NRROS: variants seen among roughly 807,000 people sequenced by gnomAD.
The protein encoded by NRROS is negative regulator of reactive oxygen species, also known as transforming growth factor beta activator LRRC33.
Under a neutral mutation model 12.0 loss-of-function variants are expected in NRROS, and 6 were observed. The ratio of observed to expected loss-of-function variants is 0.50; its 90% CI spans 0.27 to 0.98. The LOEUF is 0.98. NRROS is among the 50% of genes least tolerant of loss of function. The probability of loss-of-function intolerance (pLI) is 0.11; values close to 1 mark genes in which losing one functional copy is unlikely to be tolerated. For synonymous variants in NRROS, 462 were observed against 410.2 expected (o/e 1.13, Z -1.53); for missense variants, 857 against 888.2 (o/e 0.96, Z 0.45).
Position 196,661,408 on chromosome 3 carries a change from A to G in NRROS, c.1765A>G (p.Ile589Val). 6.4e-7 allele frequency: 1 copy of G among 1,574,466 alleles called. No individual in the cohort carries two copies. Among genetic ancestry groups the G allele is most frequent in the Non-Finnish European group, 8.6e-7 (1 of 1,157,392 alleles). Residue 589 changes from isoleucine to valine, a missense_variant, in exon 3 of 3, where the codon ATC becomes GTC. Physicochemically the swap from Ile to Val is conservative, Grantham distance 29. Transcript: ENST00000328557. Reference protein sequence around the residue: ...SEQLSRGLRTIYLSQNPYDCC... With the variant: ...SEQLSRGLRTVYLSQNPYDCC... ...GCAGCTCTCGAGAGGTCTGCGGACC[A>G]TCTACCTCAGTCAGAATCCATATGA...
intron 1 of NRROS, among the ~76,000 whole-genome samples, chr3:196,646,221 G>C (rs907514704): frequency 6.6e-6 from 1 of 152,168 alleles, no homozygotes; most frequent in Non-Finnish European, 1.5e-5. Context: ...CCCAGCCCAG[G>C]GTCCCTTCCT....
rs745595524 is a variant in NRROS at position 196,660,720 on chromosome 3, C to G, written c.1077C>G (p.Leu359=). Residue 359 remains leucine (L), a synonymous_variant, in exon 3 of 3, where the codon CTC becomes CTG. Transcript: ENST00000328557. The surrounding 1 kb of genome is among the most constrained non-coding windows in gnomAD (Gnocchi z 7.7). ...TGCCTTCCCTCTCCCACCTGAACCT[C>G]CACCAGAATTGCCTGATGACGCTTC... ...RKMPSLSHLN[L]HQNCLMTLHI... is the part of the protein sequence containing the mutation. 6.2e-7 allele frequency: 1 copy of G among 1,614,212 alleles called. No homozygotes were observed.
chr3:196,642,625 C>T (rs1158711176), intron 1 of NRROS, among the ~76,000 whole-genome samples: 1 of 152,150 alleles, frequency 6.6e-6, no homozygotes, highest in Non-Finnish European at 1.5e-5. Context: ...GGAGTGCTCT[C>T]ACGGGCCCAG....
intron 1 of NRROS, among the ~76,000 whole-genome samples, chr3:196,646,411 C>T (rs908631170): frequency 2.0e-5 from 3 of 152,192 alleles, no homozygotes; most frequent in African/African-American, 4.8e-5. Flanking sequence ...AAGGTGACAC[C>T]GAGGACCTAC....
intron 1 of NRROS, among the ~76,000 whole-genome samples, chr3:196,640,083 C>G (rs1022412078): frequency 1.3e-5 from 2 of 152,230 alleles, no homozygotes; most frequent in Non-Finnish European, 2.9e-5. Flanking sequence ...GTGGAAATAC[C>G]TCCCTCCAGG....
chr3:196,660,731 G>C lies in NRROS; in HGVS notation c.1088G>C (p.Cys363Ser). The change falls in exon 3 of 3, where the codon TGC becomes TCC. Residue 363 changes from cysteine to serine, a missense_variant. Coordinates refer to ENST00000328557, the MANE Select transcript of NRROS (RefSeq NM_198565.3). This position sits in a 1 kb window ranked among gnomAD's most constrained non-coding sequence, Gnocchi z 7.7. The part of the protein sequence containing the change: ...SLSHLNLHQN[C>S]LMTLHIREHE... Reference sequence around the variant, plus strand: ...TCCCACCTGAACCTCCACCAGAATTGCCTGATGACGCTTCACATTCGGGAG... The same window carrying C: ...TCCCACCTGAACCTCCACCAGAATTCCCTGATGACGCTTCACATTCGGGAG... 6.2e-7 allele frequency: 1 copy of C among 1,614,096 alleles called. No individual in the cohort carries two copies. The highest frequency in any genetic ancestry group is 1.1e-5 in the South Asian group (1 of 91,088).
chr3:196,658,497 G>C (rs995620422), intron 2 of NRROS, among the ~76,000 whole-genome samples: 1 of 152,170 alleles, frequency 6.6e-6, no homozygotes, highest in Non-Finnish European at 1.5e-5. Context: ...GATTCAGATT[G>C]AGTCTGTCCT....
intron 1 of NRROS, among the ~76,000 whole-genome samples, chr3:196,647,334 G>C (rs752683385): frequency 3.9e-5 from 6 of 152,116 alleles, no homozygotes; most frequent in Non-Finnish European, 5.9e-5. Context: ...AGTTCTTAGG[G>C]GGGGAGAAGT....
chr3:196,661,365 C>A lies in NRROS; in HGVS notation c.1722C>A (p.Pro574=). 1.3e-6 allele frequency: 2 copies of A among 1,575,164 alleles called. No individual in the cohort carries two copies. The highest frequency in any genetic ancestry group is 1.7e-6 in the Non-Finnish European group (2 of 1,159,010). ...DLRRNSLTAL[P]QKAVSEQLSR... Reference sequence around the variant, plus strand: ...GTAGAAACTCGCTCACAGCCCTTCCCCAGAAGGCTGTGTCTGAGCAGCTCT... The same window carrying A: ...GTAGAAACTCGCTCACAGCCCTTCCACAGAAGGCTGTGTCTGAGCAGCTCT... The change falls in exon 3 of 3, where the codon CCC becomes CCA. Residue 574 remains proline, a synonymous_variant. Coordinates refer to ENST00000328557, the MANE Select transcript of NRROS (RefSeq NM_198565.3).
chr3:196,641,144 AC>A (rs1389237836), intron 1 of NRROS, among the ~76,000 whole-genome samples: 1 of 31,056 alleles, frequency 3.2e-5, no homozygotes. Context: ...GGTTAAAAAA[AC>A]AAAACAAAAC....
Position 196,660,275 on chromosome 3 carries a change from A to T in NRROS, c.632A>T (p.Asn211Ile), listed in dbSNP as rs771291661. 6 of 1,613,924 alleles carry T rather than the reference A, an allele frequency of 3.7e-6. No homozygotes were observed. In the East Asian group the frequency reaches 8.9e-5, roughly 24 times the overall value. ...GGCCTGGCTGAGCTGAGGCACCTCA[A>T]CCTGGCCTTCAACAACCTCCCCTGC... is the stretch of plus-strand genomic sequence containing the variant. ...FDGLAELRHLNLAFNNLPCIV... is the reference protein window; with the variant it reads ...FDGLAELRHLILAFNNLPCIV... The change falls in exon 3 of 3, where the codon AAC becomes ATC. Residue 211 changes from asparagine to isoleucine, a missense_variant. Transcript: ENST00000328557. This position sits in a 1 kb window ranked among gnomAD's most constrained non-coding sequence, Gnocchi z 7.7.
At chr3:196,652,349 G>A (rs1418945288) in intron 1 of NRROS, among the ~76,000 whole-genome samples, 1 of 152,080 alleles carries the variant, frequency 6.6e-6, no homozygotes, top group African/African-American at 2.4e-5. Context: ...TGTGTTACTT[G>A]CTACCTTTAC....
intron 1 of NRROS, among the ~76,000 whole-genome samples, chr3:196,648,697 C>T (rs1291851886): frequency 7.6e-6 from 1 of 131,220 alleles, no homozygotes; most frequent in African/African-American, 2.9e-5. Context: ...ACCCGGGAGG[C>T]GGAGGTTGCA....
intron 1 of NRROS, among the ~76,000 whole-genome samples, chr3:196,648,792 T>G (rs1016230395): frequency 2.5e-4 from 27 of 105,894 alleles, no homozygotes; most frequent in Non-Finnish European, 4.9e-4. Context: ...AAAAAAAAAT[T>G]CCAACATCCA....
rs1560054251 is a variant in NRROS at position 196,654,014 on chromosome 3, CT to C, written c.-13-509del. 1.3e-5 allele frequency among the ~76,000 whole-genome samples: 2 copies of C among 152,184 alleles called. No homozygotes were observed. The highest frequency in any genetic ancestry group is 2.9e-5 in the Non-Finnish European group (2 of 68,032). ...AATGAGTGAACCAAAGAGATCAACG[CT>C]TTTGTAACAGCCCCACATCAGCAGC... On this transcript the variant is annotated intron_variant, in intron 1 of 2. Coordinates refer to ENST00000328557, the MANE Select transcript of NRROS (RefSeq NM_198565.3). This position sits in a 1 kb window ranked among gnomAD's most constrained non-coding sequence, Gnocchi z 4.4.
rs764060905 is a variant in NRROS at position 196,659,723 on chromosome 3, G to C, written c.109-29G>C. 26 of 1,580,840 alleles carry C rather than the reference G, an allele frequency of 1.6e-5. No individual in the cohort carries two copies. In the Admixed American group the frequency reaches 3.4e-4, roughly 21 times the overall value. On this transcript the variant is annotated intron_variant, in intron 2 of 2. Coordinates refer to ENST00000328557, the MANE Select transcript of NRROS (RefSeq NM_198565.3). ...TAAATGCTTGCCTCTGGGCCTCCTC[G>C]CTGCTGACCGGTGTGGTTTTGGCCG...
At chr3:196,644,685 A>C (rs1737272891) in intron 1 of NRROS, among the ~76,000 whole-genome samples, 1 of 150,522 alleles carries the variant, frequency 6.6e-6, no homozygotes, top group Non-Finnish European at 1.5e-5. Context: ...AGGCAGGAGA[A>C]TCTCTTGAAC....
rs775812701 is a variant in NRROS, at chr3:196,661,241, C to T, written c.1598C>T (p.Ser533Phe). 5.0e-6 allele frequency: 8 copies of T among 1,613,882 alleles called. No homozygotes were observed. The highest frequency in any genetic ancestry group is 6.8e-6 in the Non-Finnish European group (8 of 1,179,990). The change falls in exon 3 of 3, where the codon TCT becomes TTT. Residue 533 changes from serine to phenylalanine, a missense_variant. By Grantham distance (155) the Ser-to-Phe change is radical. Coordinates refer to ENST00000328557, the MANE Select transcript of NRROS (RefSeq NM_198565.3). ...TCCAGCTTTATGGCGTTGGACTTCT[C>T]TGGGTTTGGGAATCTCAGGGACTTA... ...LHSSFMALDF[S>F]GFGNLRDLDL...
intron 1 of NRROS, among the ~76,000 whole-genome samples, chr3:196,646,448 C>T (rs1292230883): frequency 6.6e-6 from 1 of 152,350 alleles, no homozygotes; most frequent in East Asian, 1.9e-4. Flanking sequence ...CATGCAAGGG[C>T]GAGGTGTCAC....
Sources: gnomAD v4.1 joint callset for allele counts (sites outside exome capture counted in the v4.1 genomes callset) on GRCh38, gnomAD v4.1.1 for gene constraint, Gnocchi (gnomAD v3.1) non-coding constraint, MANE v1.5 for transcripts, NCBI Gene and HGNC (gene_info 2026-07-23, HGNC 2026-07-21) for gene names.